The following GRHL2 variants were observed in gnomAD, a reference collection of about 807,000 sequenced individuals.
GRHL2 encodes grainyhead like transcription factor 2.
In GRHL2, 21 loss-of-function variants were observed where a neutral mutation model predicts 83.8. That is an observed-to-expected ratio of 0.25 (90% CI 0.18 to 0.36). The LOEUF (loss-of-function observed/expected upper bound fraction) is 0.36, where lower values mean the gene tolerates loss of function less well. Among genes scored for constraint, GRHL2 ranks in the 10% least tolerant of loss-of-function variants. The pLI is 1.00. For synonymous variants in GRHL2, 280 were observed against 278.9 expected (o/e 1.00, Z -0.04); for missense variants, 623 against 781.8 (o/e 0.80, Z 2.42).
At chr8:101,496,147 CAAAAA>C (rs34918770) in intron 1 of GRHL2, among the ~76,000 whole-genome samples, 1 of 113,184 alleles carries the variant, frequency 8.8e-6, no homozygotes, top group Non-Finnish European at 1.7e-5. Flanking sequence ...GACTCCATCT[CAAAAA>C]AAAAAAAAAA....
At chr8:101,626,003 A>G (rs1813072193) in intron 9 of GRHL2, among the ~76,000 whole-genome samples, 1 of 152,076 alleles carries the variant, frequency 6.6e-6, no homozygotes, top group East Asian at 1.9e-4. Context: ...CTTTTGCTGT[A>G]ATTTGTCATC....
chr8:101,673,893 A>G (rs1395107521), downstream of GRHL2, among the ~76,000 whole-genome samples: 2 of 152,196 alleles, frequency 1.3e-5, no homozygotes, highest in Non-Finnish European at 2.9e-5. Context: ...AGAACTCAGG[A>G]CTAAGAAACT....
chr8:101,666,118 A>C lies in GRHL2; in HGVS notation c.1764-471A>C, dbSNP rs16868171. Among the ~76,000 whole-genome samples the C allele has an allele frequency of 4.9e-3, 741 of 152,332 alleles. 18 individuals carry two copies. The highest frequency in any genetic ancestry group is 0.034 in the East Asian group (178 of 5,180). ...TTCACAGTTGCTGTGAGAACTAAAC[A>C]CAAGGTCATATTACATGCTCAAAAA... On this transcript the variant is annotated intron_variant, in intron 15 of 15. Coordinates refer to ENST00000646743, the MANE Select transcript of GRHL2 (RefSeq NM_024915.4).
chr8:101,534,635 G>T (rs897995773), intron 1 of GRHL2, among the ~76,000 whole-genome samples: 2 of 152,112 alleles, frequency 1.3e-5, no homozygotes, highest in African/African-American at 4.8e-5. Flanking sequence ...CAGAGACAGT[G>T]CAATAATCCA....
intron 8 of GRHL2, among the ~76,000 whole-genome samples, chr8:101,606,664 A>G (rs1812639887): frequency 6.6e-6 from 1 of 152,208 alleles, no homozygotes; most frequent in Non-Finnish European, 1.5e-5. Context: ...GACTGCAGTG[A>G]CTGGCTTCAT....
intron 14 of GRHL2, among the ~76,000 whole-genome samples, chr8:101,663,639 A>AAATTAATT (rs1813975568): frequency 1.6e-5 from 2 of 124,804 alleles, no homozygotes; most frequent in Non-Finnish European, 3.5e-5. Flanking sequence ...ATAAATAAAT[A>AAATTAATT]AATAAAAATA....
rs78479519 is a variant in GRHL2 at position 101,501,881 on chromosome 8, G to A, written c.20+9092G>A. On this transcript the variant is annotated intron_variant, in intron 1 of 15. Transcript: ENST00000646743. ...AGTTTTGATTAGTTTGAAAAAACAT[G>A]CTTTTTTTTTTTAAGAAAGATTGAG... 3.8e-3 allele frequency among the ~76,000 whole-genome samples: 570 copies of A among 151,412 alleles called. 5 individuals are homozygous for A. The highest frequency in any genetic ancestry group is 0.013 in the African/African-American group (541 of 41,128).
chr8:101,547,164 A>G (rs1042911603), intron 2 of GRHL2, among the ~76,000 whole-genome samples: 7 of 152,238 alleles, frequency 4.6e-5, no homozygotes, highest in Non-Finnish European at 8.8e-5. Context: ...AGTTATAACA[A>G]AGTTAAATGT....
At chr8:101,518,626 A>G (rs968310897) in intron 1 of GRHL2, among the ~76,000 whole-genome samples, 1 of 152,106 alleles carries the variant, frequency 6.6e-6, no homozygotes, top group African/African-American at 2.4e-5. Flanking sequence ...CCCATGCCAC[A>G]TGTTTTCTTT....
intron 3 of GRHL2, among the ~76,000 whole-genome samples, chr8:101,557,224 C>CTT (rs34785282): frequency 0.014 from 1,671 of 122,402 alleles, 73 homozygotes; most frequent in South Asian, 0.023. Flanking sequence ...ATTAACAATA[C>CTT]TTTTTTTTTT....
chr8:101,669,886 C>T (rs552474223), downstream of GRHL2, among the ~76,000 whole-genome samples: 1 of 152,264 alleles, frequency 6.6e-6, no homozygotes, highest in African/African-American at 2.4e-5. Context: ...CTTTGCTGTG[C>T]TTCACCCCAG....
chr8:101,562,317 G>T, intron 4 of GRHL2: 1 of 630,620 alleles, frequency 1.6e-6, no homozygotes, highest in East Asian at 3.1e-5. Flanking sequence ...TTTACCAGCT[G>T]CTTTCAGGAA....
chr8:101,583,568 C>G (rs996683569), intron 7 of GRHL2, among the ~76,000 whole-genome samples: 1 of 151,950 alleles, frequency 6.6e-6, no homozygotes, highest in Non-Finnish European at 1.5e-5. Context: ...TTTTGAGGCA[C>G]CGTCTACACA....
At chr8:101,598,965 T>A in intron 7 of GRHL2, 92 bp from the exon 8 acceptor site, 1 of 877,024 alleles carries the variant, frequency 1.1e-6, no homozygotes, top group Non-Finnish European at 1.9e-6. Context: ...ATAAACGAAG[T>A]TTAAATTTAC....
intron 10 of GRHL2, 90 bp downstream of exon 10, chr8:101,631,814 T>C (rs1813191381): frequency 2.0e-6 from 2 of 996,988 alleles, no homozygotes; most frequent in Non-Finnish European, 3.2e-6. Flanking sequence ...GGGTTGCAGG[T>C]AAAACTGCAT....
At chr8:101,628,704 A>G (rs1012627311) in intron 9 of GRHL2, among the ~76,000 whole-genome samples, 1 of 152,186 alleles carries the variant, frequency 6.6e-6, no homozygotes, top group Admixed American at 6.5e-5. Context: ...AACATTCATG[A>G]TTCATGGGAG....
chr8:101,660,028 G>C (rs1225540247), intron 14 of GRHL2, among the ~76,000 whole-genome samples: 1 of 151,972 alleles, frequency 6.6e-6, no homozygotes, highest in Non-Finnish European at 1.5e-5. Flanking sequence ...TACTAGATTT[G>C]TTCAATTCTT....
At chr8:101,537,864 T>C (rs1586073362) in intron 1 of GRHL2, among the ~76,000 whole-genome samples, 1 of 152,310 alleles carries the variant, frequency 6.6e-6, no homozygotes, top group East Asian at 1.9e-4. Flanking sequence ...AAGTAATAAT[T>C]TGTGTGCATA....
At chr8:101,651,822 G>T (rs1489968354) in intron 14 of GRHL2, among the ~76,000 whole-genome samples, 1 of 152,142 alleles carries the variant, frequency 6.6e-6, no homozygotes, top group Non-Finnish European at 1.5e-5. Flanking sequence ...TGGCAATTCT[G>T]ATTTCATCTC....
Sources: allele counts gnomAD v4.1 joint callset (sites outside exome capture counted in the v4.1 genomes callset), GRCh38; gene constraint gnomAD v4.1.1; transcripts MANE v1.5; gene names NCBI Gene and HGNC (gene_info 2026-07-23, HGNC 2026-07-21).